The following TRDN variants were observed in gnomAD, a reference collection of about 807,000 sequenced individuals.
The protein encoded by TRDN is triadin in skeletal muscle.
In TRDN, 161 loss-of-function variants were observed where a neutral mutation model predicts 149.7. The ratio of observed to expected loss-of-function variants is 1.08; its 90% CI spans 0.95 to 1.23. The LOEUF (loss-of-function observed/expected upper bound fraction) is 1.23, where lower values mean the gene tolerates loss of function less well. Among genes scored for constraint, TRDN ranks in the 50% most tolerant of loss-of-function variants. TRDN has a pLI of 0.00. For synonymous variants in TRDN, 294 were observed against 250.5 expected, an observed-to-expected ratio of 1.17 and a Z score of -1.64; for missense variants, 896 against 823.5, an observed-to-expected ratio of 1.09 and a Z score of -1.08.
At chr6:123,254,368 G>A (rs1345683084) in intron 37 of TRDN, among the ~76,000 whole-genome samples, 1 of 152,010 alleles carries the variant, frequency 6.6e-6, no homozygotes, top group Non-Finnish European at 1.5e-5. Flanking sequence ...ATTTCAGTGA[G>A]CAGTAAAAGG....
Position 123,380,956 on chromosome 6 carries a change from A to G in TRDN, c.1186+414T>C, listed in dbSNP as rs143279305. On this transcript the variant is annotated intron_variant, in intron 16 of 40. Transcript: ENST00000334268. ...GTCATATATCACATGGGCATGCCAAAATATCTACAGATTACAAAAAGAAAG... is the reference window on the plus strand; with the variant it reads ...GTCATATATCACATGGGCATGCCAAGATATCTACAGATTACAAAAAGAAAG... Among the ~76,000 whole-genome samples the G allele has an allele frequency of 6.8e-3, 1,036 of 152,220 alleles. 3 individuals carry two copies. The highest frequency in any genetic ancestry group is 0.014 in the Middle Eastern group (4 of 294).
intron 1 of TRDN, among the ~76,000 whole-genome samples, chr6:123,574,133 C>T (rs1454557854): frequency 6.6e-6 from 1 of 151,572 alleles, no homozygotes; most frequent in African/African-American, 2.4e-5. Context: ...AAATTTAGCC[C>T]CATATTTTCA....
At chr6:123,510,030 A>T (rs1001787480) in intron 7 of TRDN, 2 of 152,172 alleles carry the variant, frequency 1.3e-5, no homozygotes, top group Admixed American at 6.6e-5. Flanking sequence ...TAGATTTCAT[A>T]CATCTATCAC....
chr6:123,574,213 T>C (rs893332013), intron 1 of TRDN, among the ~76,000 whole-genome samples: 8 of 152,018 alleles, frequency 5.3e-5, no homozygotes, highest in African/African-American at 1.7e-4. Context: ...TGGCTTTAGG[T>C]AGAAATTAAC....
Position 123,377,804 on chromosome 6 carries a change from TTCAATTGCAAA to T in TRDN, c.1219+51_1219+61del, listed in dbSNP as rs1277294256. ...TATGTCATTCAATTGTAATTCAGTA[TTCAATTGCAAA>T]TCAAATAATATTATGAAATTGTGAG... On this transcript the variant is annotated intron_variant, in intron 17 of 40. Coordinates refer to ENST00000334268, the MANE Select transcript of TRDN (RefSeq NM_006073.4). 3.5e-5 allele frequency: 57 copies of T among 1,605,702 alleles called. No homozygotes were observed. The Admixed American group carries it at 9.5e-4, about 27-fold the overall frequency.
intron 5 of TRDN, among the ~76,000 whole-genome samples, 161 bp downstream of exon 5, chr6:123,530,345 A>G (rs1484419405): frequency 9.5e-5 from 3 of 31,426 alleles, no homozygotes; most frequent in East Asian, 7.0e-4. Context: ...TATAACTGAA[A>G]TTAACTGATA....
intron 38 of TRDN, among the ~76,000 whole-genome samples, chr6:123,242,736 T>G (rs1376960221): frequency 6.6e-6 from 1 of 151,990 alleles, no homozygotes; most frequent in South Asian, 2.1e-4. Context: ...CAGGAGAAGC[T>G]CTGGAATATG....
intron 38 of TRDN, among the ~76,000 whole-genome samples, chr6:123,232,524 G>T (rs1775644026): frequency 6.6e-6 from 1 of 152,000 alleles, no homozygotes; most frequent in African/African-American, 2.4e-5. Flanking sequence ...CTGAGAAGCA[G>T]AAAGGGCAAG....
rs139773746 is a variant in TRDN, at chr6:123,516,536, G to A, written c.485-330C>T. Among the ~76,000 whole-genome samples, 280 of 152,108 alleles carry A rather than the reference G, an allele frequency of 1.8e-3. 1 individual carries two copies. Among genetic ancestry groups the A allele is most frequent in the Admixed American group, 4.7e-3 (72 of 15,256 alleles). ...ATTATGCCATATGCCAAAGGAGCCCGGCTTTGATATTGGATGAATGCTTGA... is the reference window on the plus strand; with the variant it reads ...ATTATGCCATATGCCAAAGGAGCCCAGCTTTGATATTGGATGAATGCTTGA... On this transcript the variant is annotated intron_variant, in intron 5 of 40. Transcript: ENST00000334268.
intron 4 of TRDN, among the ~76,000 whole-genome samples, chr6:123,543,503 C>T (rs943054385): frequency 6.6e-6 from 1 of 152,110 alleles, no homozygotes; most frequent in African/African-American, 2.4e-5. Context: ...GAATCTTAGA[C>T]CTCTGTGCTT....
intron 9 of TRDN, chr6:123,470,050 C>G (rs1175689390): frequency 6.6e-6 from 1 of 152,102 alleles, no homozygotes; most frequent in East Asian, 1.9e-4. Flanking sequence ...GCCTTTTGTT[C>G]TGGATATGGT....
intron 24 of TRDN, among the ~76,000 whole-genome samples, chr6:123,300,250 A>G (rs1778354586): frequency 6.6e-6 from 1 of 152,070 alleles, no homozygotes; most frequent in Middle Eastern, 3.4e-3. Flanking sequence ...AAAGAGCATT[A>G]TTTTTAAATT....
At chr6:123,490,263 A>G (rs1325738877) in intron 9 of TRDN, among the ~76,000 whole-genome samples, 1 of 152,236 alleles carries the variant, frequency 6.6e-6, no homozygotes, top group Non-Finnish European at 1.5e-5. Context: ...ACCTGAAACA[A>G]TGAATAATGC....
At chr6:123,232,635 A>G (rs908599048) in intron 38 of TRDN, among the ~76,000 whole-genome samples, 1 of 152,020 alleles carries the variant, frequency 6.6e-6, no homozygotes, top group East Asian at 1.9e-4. Flanking sequence ...GAGAGGATGG[A>G]ATCAAAAAGG....
chr6:123,254,932 G>T, intron 37 of TRDN, 149 bp downstream of exon 37: 1 of 591,918 alleles, frequency 1.7e-6, no homozygotes, highest in South Asian at 1.7e-5. Context: ...CTTTCTGCTA[G>T]ATTTTCTACC....
intron 1 of TRDN, among the ~76,000 whole-genome samples, chr6:123,621,813 A>G (rs1415115146): frequency 6.6e-6 from 1 of 152,188 alleles, no homozygotes; most frequent in African/African-American, 2.4e-5. Context: ...GAAAGTTCAA[A>G]GAAAGAGGAG....
chr6:123,445,945 A>T (rs1178828016), intron 10 of TRDN, among the ~76,000 whole-genome samples: 1 of 142,576 alleles, frequency 7.0e-6, no homozygotes, highest in Non-Finnish European at 1.5e-5. Context: ...ACGTATGTTT[A>T]TTGCGGCATT....
At chr6:123,339,799 G>A (rs1326841441) in intron 21 of TRDN, among the ~76,000 whole-genome samples, 3 of 152,038 alleles carry the variant, frequency 2.0e-5, no homozygotes, top group Admixed American at 6.6e-5. Context: ...TCTTTTTACC[G>A]GCATGTTTCA....
chr6:123,576,320 G>A (rs1782857202), intron 1 of TRDN, among the ~76,000 whole-genome samples: 1 of 151,984 alleles, frequency 6.6e-6, no homozygotes, highest in African/African-American at 2.4e-5. Flanking sequence ...ATGTAAACTA[G>A]TCTCTGGACA....
Sources: allele counts gnomAD v4.1 joint callset (sites outside exome capture counted in the v4.1 genomes callset), GRCh38; gene constraint gnomAD v4.1.1; transcripts MANE v1.5; gene names NCBI Gene and HGNC (gene_info 2026-07-23, HGNC 2026-07-21).